Variants in CHLSN observed in about 807,000 individuals in gnomAD.
CHLSN encodes cholesin, also known as protein cholesin.
the CHLSN span, among the ~76,000 whole-genome samples, chr7:1,136,407 T>A: frequency 8.6e-6 from 1 of 115,756 alleles, no homozygotes; most frequent in Non-Finnish European, 1.6e-5. Context: ...TAAATATATA[T>A]AAACATATAT....
the CHLSN span, among the ~76,000 whole-genome samples, chr7:1,136,394 AT>A: frequency 1.1e-5 from 1 of 90,950 alleles, no homozygotes; most frequent in South Asian, 3.2e-4. Flanking sequence ...ATAAACATAT[AT>A]ATAAATATAT....
the CHLSN span, among the ~76,000 whole-genome samples, chr7:1,050,794 C>T: frequency 6.6e-6 from 1 of 152,206 alleles, no homozygotes; most frequent in African/African-American, 2.4e-5. Flanking sequence ...AGCTGAGGAC[C>T]CAGAGACGGG....
At chr7:997,787 G>C in the CHLSN span, 2 of 1,606,388 alleles carry the variant, frequency 1.2e-6, no homozygotes, top group Non-Finnish European at 1.7e-6. Context: ...GCAGGGTGGA[G>C]AAGTGCTCAT....
At chr7:1,136,958 CATAGGTA>C in the CHLSN span, among the ~76,000 whole-genome samples, 1 of 152,108 alleles carries the variant, frequency 6.6e-6, no homozygotes, top group Non-Finnish European at 1.5e-5. Flanking sequence ...CTTAAGATCC[CATAGGTA>C]CCCAGTCCAA....
the CHLSN span, among the ~76,000 whole-genome samples, chr7:991,611 G>A: frequency 6.6e-6 from 1 of 152,226 alleles, no homozygotes; most frequent in South Asian, 2.1e-4. Flanking sequence ...CGTCCCGGGG[G>A]CTTGCTGGGA....
the CHLSN span, chr7:1,043,359 C>T: frequency 6.6e-6 from 1 of 152,244 alleles, no homozygotes; most frequent in East Asian, 1.9e-4. Context: ...GGGCAGAGGG[C>T]CTTCTTTTTA....
chr7:992,696 G>A, the CHLSN span, among the ~76,000 whole-genome samples: 53 of 152,350 alleles, frequency 3.5e-4, no homozygotes, highest in Middle Eastern at 3.4e-3. Context: ...GGCCCTCCCC[G>A]TGATTGCTGG....
chr7:1,089,863 A>G, the CHLSN span, among the ~76,000 whole-genome samples: 1 of 151,986 alleles, frequency 6.6e-6, no homozygotes, highest in Non-Finnish European at 1.5e-5. Flanking sequence ...CGGGCAGATC[A>G]CTACAGGTCA....
At chr7:1,084,205 T>G in the CHLSN span, among the ~76,000 whole-genome samples, 2 of 152,242 alleles carry the variant, frequency 1.3e-5, no homozygotes, top group African/African-American at 4.8e-5. Context: ...GGGCTGCTGG[T>G]GCATGTCTCC....
the CHLSN span, among the ~76,000 whole-genome samples, chr7:1,132,762 T>A: frequency 7.3e-5 from 11 of 149,992 alleles, no homozygotes; most frequent in Admixed American, 6.6e-5. Context: ...ATCACTTATC[T>A]GAGAAGACAC....
At chr7:1,135,297 C>G in the CHLSN span, among the ~76,000 whole-genome samples, 1 of 151,462 alleles carries the variant, frequency 6.6e-6, no homozygotes, top group Non-Finnish European at 1.5e-5. Context: ...TCTCCTTCAA[C>G]TACACGCCAA....
chr7:1,023,984 G>A, the CHLSN span, among the ~76,000 whole-genome samples: 1 of 152,174 alleles, frequency 6.6e-6, no homozygotes, highest in African/African-American at 2.4e-5. The surrounding 1 kb of genome is among the most constrained non-coding windows in gnomAD (Gnocchi z 5.0). Context: ...AGGACTATAG[G>A]CATGTGCCAC....
At chr7:1,051,380 G>A in the CHLSN span, among the ~76,000 whole-genome samples, 2 of 152,260 alleles carry the variant, frequency 1.3e-5, no homozygotes, top group Non-Finnish European at 2.9e-5. Flanking sequence ...TTCTGAGCTC[G>A]TAAGGGGTGC....
the CHLSN span, among the ~76,000 whole-genome samples, chr7:1,009,005 A>G: frequency 6.8e-5 from 2 of 29,360 alleles, no homozygotes; most frequent in East Asian, 8.2e-4. Context: ...ATACACGCAC[A>G]CACACACACA....
At chr7:1,051,266 G>T in the CHLSN span, among the ~76,000 whole-genome samples, 1 of 152,260 alleles carries the variant, frequency 6.6e-6, no homozygotes. Flanking sequence ...TTCCTGTGTG[G>T]AAATGTCACT....
chr7:1,042,205 C>T, the CHLSN span, among the ~76,000 whole-genome samples: 1 of 152,138 alleles, frequency 6.6e-6, no homozygotes, highest in Non-Finnish European at 1.5e-5. Flanking sequence ...CAGGAGCGCA[C>T]AACTGCCCTC....
At chr7:1,058,550 G>T in the CHLSN span, 1 of 754,074 alleles carries the variant, frequency 1.3e-6, no homozygotes, top group South Asian at 1.4e-5. Flanking sequence ...ACGTGACTCT[G>T]GTGGACGCAG....
At chr7:1,138,092 G>A in the CHLSN span, 1 of 150,334 alleles carries the variant, frequency 6.7e-6, no homozygotes, top group Non-Finnish European at 1.5e-5. Context: ...GCGCACCCAC[G>A]TGGAGGGGGC....
chr7:1,131,620 G>A, the CHLSN span, among the ~76,000 whole-genome samples: 5 of 152,214 alleles, frequency 3.3e-5, no homozygotes, highest in African/African-American at 4.8e-5. Context: ...AATCTTGGAA[G>A]AATGAGATAC....
Sources: allele counts gnomAD v4.1 joint callset (sites outside exome capture counted in the v4.1 genomes callset), GRCh38; gene constraint gnomAD v4.1.1; non-coding constraint Gnocchi (gnomAD v3.1); transcripts MANE v1.5; gene names NCBI Gene and HGNC (gene_info 2026-07-23, HGNC 2026-07-21).